The following NUDT18 variants were observed in gnomAD, a reference collection of about 807,000 sequenced individuals.
NUDT18 encodes 8-oxo-dGDP phosphatase NUDT18.
NUDT18 carries 26 observed loss-of-function variants against 27.6 expected under a neutral mutation model. That is an observed-to-expected ratio of 0.94 (90% CI 0.69 to 1.31). The LOEUF (loss-of-function observed/expected upper bound fraction) is 1.31, where lower values mean the gene tolerates loss of function less well. Among genes scored for constraint, NUDT18 ranks in the 50% most tolerant of loss-of-function variants. The pLI is 0.00. For missense variants in NUDT18, 450 were observed against 433.4 expected (o/e 1.04, Z -0.34); for synonymous variants, 220 against 196.9 (o/e 1.12, Z -0.98).
upstream of NUDT18, chr8:22,109,465 C>A (rs1170859707): frequency 3.5e-6 from 2 of 572,840 alleles, no homozygotes; most frequent in Non-Finnish European, 5.5e-6. Context: ...GAGCTCTGGC[C>A]GCTGATAGGC....
upstream of NUDT18, chr8:22,109,497 C>A: frequency 2.1e-6 from 1 of 486,494 alleles, no homozygotes. Context: ...GCGGCCTGCC[C>A]GGATTGGCCG....
chr8:22,109,579 C>A, upstream of NUDT18: 2 of 522,996 alleles, frequency 3.8e-6, no homozygotes, highest in Non-Finnish European at 7.3e-6. Context: ...GGGTCCGGAG[C>A]CCAGCGGACC....
At chr8:22,109,627 G>C (rs774640753), upstream of NUDT18, 19 of 486,396 alleles carry the variant, frequency 3.9e-5, no homozygotes, top group South Asian at 2.8e-4. Flanking sequence ...CCGTGCGCTC[G>C]GGACGTCTCC....
In NUDT18 at chr8:22,109,116, CGGGCCCG is replaced by C; in HGVS notation, c.162+16_162+22del. On this transcript the variant is annotated intron_variant, in intron 1 of 2. Coordinates refer to ENST00000611621, the MANE Select transcript of NUDT18 (RefSeq NM_024815.4). Reference sequence around the variant, plus strand: ...CTGGCTGCGCGCTCCCGAGGCCCGGCGGGCCCGGGGGCGGCCGCTCACCTGCTCGCTG... The same window carrying C: ...CTGGCTGCGCGCTCCCGAGGCCCGGCGGGGCGGCCGCTCACCTGCTCGCTG... 7.2e-7 allele frequency: 1 copy of C among 1,394,616 alleles called. No homozygotes were observed. Among genetic ancestry groups the C allele is most frequent in the African/African-American group, 1.5e-5 (1 of 65,300 alleles). 86.4% of individuals were successfully genotyped at this position (1,394,616 alleles called of 1,614,324 possible). A position where few individuals can be genotyped will look rare whatever the true frequency, so the allele number is the denominator to read the frequency against.
Position 22,109,369 on chromosome 8 carries a change from G to GCTGCGGAGCCCTCTCCCAGTCC in NUDT18, c.-70_-69insGGACTGGGAGAGGGCTCCGCAG. ...TGAGCCGAGCCGCGGGCTAGAGTGCGCTGCGGAGCCCGCTCCCAGTCCCTG... is the reference window on the plus strand; with the variant it reads ...TGAGCCGAGCCGCGGGCTAGAGTGCGCTGCGGAGCCCTCTCCCAGTCCCTGCGGAGCCCGCTCCCAGTCCCTG... On this transcript the variant is annotated 5_prime_UTR_variant, in exon 1 of 3. Coordinates refer to ENST00000611621, the MANE Select transcript of NUDT18 (RefSeq NM_024815.4). 1.4e-6 allele frequency: 1 copy of GCTGCGGAGCCCTCTCCCAGTCC among 712,744 alleles called. No individual in the cohort carries two copies. The highest frequency in any genetic ancestry group is 1.8e-6 in the Non-Finnish European group (1 of 557,184). The allele number at this position is 712,744 out of a possible 1,614,324, so 44.2% of individuals were successfully genotyped here. A position where few individuals can be genotyped will look rare whatever the true frequency, so the allele number is the denominator to read the frequency against.
chr8:22,108,392 C>CCCCCTGGT, intron 1 of NUDT18, 46 bp from the exon 2 acceptor site: 1 of 1,505,970 alleles, frequency 6.6e-7, no homozygotes, highest in Non-Finnish European at 9.0e-7. Flanking sequence ...CCTTCCCTCG[C>CCCCCTGGT]CCCGGGACCA....
chr8:22,107,055 G>T lies in NUDT18; in HGVS notation c.*245C>A, dbSNP rs1826376390. On this transcript the variant is annotated 3_prime_UTR_variant, in exon 3 of 3. Transcript: ENST00000611621. ...AAGCTCCCCATCCCCCTGGGAAGAG[G>T]CGTCAGCGTGCCCTCAGGGTAGTCA... 2.1e-6 allele frequency: 1 copy of T among 472,360 alleles called. No homozygotes were observed. The allele number at this position is 472,360 out of a possible 1,614,324, so 29.3% of individuals were successfully genotyped here.
Position 22,109,307 on chromosome 8 carries a change from C to G in NUDT18, c.-7G>C, listed in dbSNP as rs1295148784. ...CCAGGCCCTCCGAGGCCATCGGGTC[C>G]CCCGGGGGGCGGCGGGCCGGATCCT... On this transcript the variant is annotated 5_prime_UTR_variant, in exon 1 of 3. Transcript: ENST00000611621. 2 of 1,341,968 alleles carry G rather than the reference C, an allele frequency of 1.5e-6. No individual in the cohort carries two copies. The highest frequency in any genetic ancestry group is 1.9e-6 in the Non-Finnish European group (2 of 1,055,932). The allele number at this position is 1,341,968 out of a possible 1,614,324, so 83.1% of individuals were successfully genotyped here.
rs761447008 is a variant in NUDT18 at position 22,107,885 on chromosome 8, G to C, written c.387C>G (p.Leu129=). Residue 129 remains leucine (L), a synonymous_variant, in exon 3 of 3, where the codon CTC becomes CTG. Coordinates refer to ENST00000611621, the MANE Select transcript of NUDT18 (RefSeq NM_024815.4). Reference sequence around the variant, plus strand: ...CCGCATCGGCCTCCTTGGAAGTCTTGAGAATTCCACCTGGGGGAGATGTGG... The same window carrying C: ...CCGCATCGGCCTCCTTGGAAGTCTTCAGAATTCCACCTGGGGGAGATGTGG... ...VFLARPTGGI[L]KTSKEADAES... 3.2e-6 allele frequency: 5 copies of C among 1,578,300 alleles called. No individual in the cohort carries two copies. In the Admixed American group the frequency reaches 8.6e-5, roughly 27 times the overall value.
In NUDT18 at chr8:22,107,261, A is replaced by G; in HGVS notation, c.*39T>C. 2 of 1,474,802 alleles carry G rather than the reference A, an allele frequency of 1.4e-6. No individual in the cohort carries two copies. The allele number at this position is 1,474,802 out of a possible 1,614,324, so 91.4% of individuals were successfully genotyped here. ...AGGGAGACAAGTCCGCACTGGAGGG[A>G]GCACGGCTGCCTAGCTCCCTGTCAC... On this transcript the variant is annotated 3_prime_UTR_variant, in exon 3 of 3. Transcript: ENST00000611621.
Position 22,109,137 on chromosome 8 carries a change from AC to A in NUDT18, c.162+1del. The A allele has an allele frequency of 7.0e-7, 1 of 1,428,246 alleles. No individual in the cohort carries two copies. Among genetic ancestry groups the A allele is most frequent in the Non-Finnish European group, 9.1e-7 (1 of 1,102,328 alleles). The allele number at this position is 1,428,246 out of a possible 1,614,324, so 88.5% of individuals were successfully genotyped here. ...CCGGCGGGCCCGGGGGCGGCCGCTC[AC>A]CTGCTCGCTGAGGAACACGGCCAGC... On this transcript the variant is annotated splice_donor_variant, in intron 1 of 2. Transcript: ENST00000611621. LOFTEE classifies it high-confidence loss of function.
Position 22,107,827 on chromosome 8 carries a change from A to G in NUDT18, c.445T>C (p.Ser149Pro). 1 of 1,611,948 alleles carries G rather than the reference A, an allele frequency of 6.2e-7. No individual in the cohort carries two copies. The highest frequency in any genetic ancestry group is 8.5e-7 in the Non-Finnish European group (1 of 1,179,120). Residue 149 changes from serine to proline, a missense_variant, in exon 3 of 3, where the codon TCC (serine) becomes CCC (proline). Coordinates refer to ENST00000611621, the MANE Select transcript of NUDT18 (RefSeq NM_024815.4). Reference sequence around the variant, plus strand: ...TGGGCTCGCAGCGGAGTGGGCAGGGAGGTCCGTGGGTACCAGGCAGCCTGC... The same window carrying G: ...TGGGCTCGCAGCGGAGTGGGCAGGGGGGTCCGTGGGTACCAGGCAGCCTGC... ...SLQAAWYPRT[S>P]LPTPLRAHDI...
At position 22,108,122 on chromosome 8, in the gene NUDT18, G is replaced by A. The variant is rs1341245631; in HGVS notation, c.376+11C>T. 6.7e-7 allele frequency: 1 copy of A among 1,494,846 alleles called. No individual in the cohort carries two copies. The highest frequency in any genetic ancestry group is 1.4e-5 in the African/African-American group (1 of 71,426). 92.6% of individuals were successfully genotyped at this position (1,494,846 alleles called of 1,614,324 possible). On this transcript the variant is annotated intron_variant, in intron 2 of 2. Coordinates refer to ENST00000611621, the MANE Select transcript of NUDT18 (RefSeq NM_024815.4). ...CTGGCCCTGTTCACACTGCCTCCAGGTGGGCCATACCTGTGGGGCGAGCGA... is the reference window on the plus strand; with the variant it reads ...CTGGCCCTGTTCACACTGCCTCCAGATGGGCCATACCTGTGGGGCGAGCGA...
rs547032388 is a variant in NUDT18, at chr8:22,108,141, C to G, written c.368G>C (p.Arg123Pro). The G allele has an allele frequency of 3.9e-6, 6 of 1,522,550 alleles. No homozygotes were observed. Among genetic ancestry groups the G allele is most frequent in the Non-Finnish European group, 5.3e-6 (6 of 1,135,424 alleles). The allele number at this position is 1,522,550 out of a possible 1,614,324, so 94.3% of individuals were successfully genotyped here. A position where few individuals can be genotyped will look rare whatever the true frequency, so the allele number is the denominator to read the frequency against. ...PSWVRFVFLA[R>P]PTGGILKTSK... The stretch of plus-strand genomic sequence containing the variant: ...CTCCAGGTGGGCCATACCTGTGGGG[C>G]GAGCGAGGAACACGAAGCGGACCCA... Residue 123 changes from arginine to proline, a missense_variant, in exon 2 of 3, where the codon CGC (arginine) becomes CCC (proline). Physicochemically the swap from Arg to Pro is moderately radical, Grantham distance 103 (BLOSUM62 -2). Coordinates refer to ENST00000611621, the MANE Select transcript of NUDT18 (RefSeq NM_024815.4).
In NUDT18 at chr8:22,109,254, C is replaced by T; in HGVS notation, c.47G>A (p.Gly16Asp). The T allele has an allele frequency of 7.1e-7, 1 of 1,410,976 alleles. No homozygotes were observed. The highest frequency in any genetic ancestry group is 9.2e-7 in the Non-Finnish European group (1 of 1,089,456). The allele number at this position is 1,410,976 out of a possible 1,614,324, so 87.4% of individuals were successfully genotyped here. ...GCAGCTGTGCACGCTGGACCCCTGG[C>T]CAGCCAGCACGGAAGCCAGCGCCCC... ...LAGALASVLAGQGSSVHSCDS... is the reference protein window; with the variant it reads ...LAGALASVLADQGSSVHSCDS... Residue 16 changes from glycine (G) to aspartate (D), a missense_variant, in exon 1 of 3, where the codon GGC (glycine) becomes GAC (aspartate). By Grantham distance (94) the Gly-to-Asp change is moderately conservative. Coordinates refer to ENST00000611621, the MANE Select transcript of NUDT18 (RefSeq NM_024815.4).
In NUDT18 at chr8:22,107,291, C is replaced by T. The variant is rs1552286; in HGVS notation, c.*9G>A. 0.88 allele frequency: 1,385,629 copies of T among 1,571,256 alleles called. 611,788 individuals are homozygous for T. The highest frequency in any genetic ancestry group is 0.99 in the East Asian group (43,698 of 43,990). Reference sequence around the variant, plus strand: ...GGCTGCCTAGCTCCCTGTCACCTCCCCCACCTCTCTATCTGTTCACTGGGA... The same window carrying T: ...GGCTGCCTAGCTCCCTGTCACCTCCTCCACCTCTCTATCTGTTCACTGGGA... On this transcript the variant is annotated 3_prime_UTR_variant, in exon 3 of 3. Transcript: ENST00000611621.
chr8:22,109,248 C>T lies in NUDT18; in HGVS notation c.53G>A (p.Gly18Glu). ...GALASVLAGQ[G>E]SSVHSCDSAP... The stretch of plus-strand genomic sequence containing the variant: ...CGAGTCGCAGCTGTGCACGCTGGAC[C>T]CCTGGCCAGCCAGCACGGAAGCCAG... The change falls in exon 1 of 3, where the codon GGG (glycine) becomes GAG (glutamate). Residue 18 changes from glycine to glutamate, a missense_variant. Transcript: ENST00000611621. 1.4e-6 allele frequency: 2 copies of T among 1,417,008 alleles called. No individual in the cohort carries two copies. The highest frequency in any genetic ancestry group is 1.8e-6 in the Non-Finnish European group (2 of 1,092,830). 87.8% of individuals were successfully genotyped at this position (1,417,008 alleles called of 1,614,324 possible).
upstream of NUDT18, chr8:22,109,488 C>T (rs1276065209): frequency 3.9e-6 from 2 of 511,290 alleles, no homozygotes; most frequent in East Asian, 4.0e-5. Flanking sequence ...CGCGGCGCCG[C>T]GGCCTGCCCG....
upstream of NUDT18, chr8:22,109,586 G>C: frequency 1.9e-6 from 1 of 519,128 alleles, no homozygotes; most frequent in Admixed American, 2.4e-5. Context: ...GAGCCCAGCG[G>C]ACCCCGCCCG....
Sources: gnomAD v4.1 joint callset for allele counts on GRCh38, gnomAD v4.1.1 for gene constraint, MANE v1.5 for transcripts, NCBI Gene and HGNC (gene_info 2026-07-23, HGNC 2026-07-21) for gene names.